CADPS2: variants seen among roughly 807,000 people sequenced by gnomAD.
CADPS2 encodes calcium-dependent secretion activator 2.
Under a neutral mutation model 172.5 loss-of-function variants are expected in CADPS2, and 93 were observed. The observed-to-expected ratio is 0.54, with a 90% CI of 0.46 to 0.64. The LOEUF is 0.64. Among genes scored for constraint, CADPS2 ranks in the 30% least tolerant of loss-of-function variants. The pLI, the probability that CADPS2 is intolerant of heterozygous loss-of-function variation, is 0.00. For synonymous variants in CADPS2, 546 were observed against 555.2 expected (o/e 0.98, Z 0.23); for missense variants, 1,420 against 1,565.9 (o/e 0.91, Z 1.57).
chr7:122,538,363 GT>G (rs1183957886), intron 8 of CADPS2, among the ~76,000 whole-genome samples: 24 of 119,146 alleles, frequency 2.0e-4, no homozygotes, highest in East Asian at 1.0e-3. Flanking sequence ...TAGGTTTTTT[GT>G]TTTTTTTTTT....
intron 1 of CADPS2, among the ~76,000 whole-genome samples, chr7:122,880,683 G>C (rs139638234): frequency 6.6e-6 from 1 of 152,170 alleles, no homozygotes; most frequent in African/African-American, 2.4e-5. Context: ...CCTGGATAAT[G>C]AGATTGTTTT....
chr7:122,459,435 T>C (rs998164119), intron 14 of CADPS2, among the ~76,000 whole-genome samples: 2 of 152,140 alleles, frequency 1.3e-5, no homozygotes, highest in African/African-American at 2.4e-5. Flanking sequence ...TCGATACATA[T>C]TGCAAAGTTG....
intron 3 of CADPS2, among the ~76,000 whole-genome samples, chr7:122,647,654 A>G (rs2134824340): frequency 6.6e-6 from 1 of 152,336 alleles, no homozygotes; most frequent in Middle Eastern, 3.4e-3. Context: ...TTGAACCAAG[A>G]AGATATTAAT....
intron 1 of CADPS2, among the ~76,000 whole-genome samples, chr7:122,882,742 C>G (rs1366965772): frequency 1.3e-5 from 2 of 151,796 alleles, no homozygotes; most frequent in Admixed American, 6.6e-5. Flanking sequence ...CTGACTCTAC[C>G]TTTAACTGAA....
chr7:122,830,597 A>G (rs1380165488), intron 1 of CADPS2, among the ~76,000 whole-genome samples: 2 of 152,238 alleles, frequency 1.3e-5, no homozygotes, highest in African/African-American at 4.8e-5. Context: ...GCATATTTCA[A>G]TTTGTAACAA....
rs147382543 is a variant in CADPS2, at chr7:122,585,572, C to G, written c.1224-4282G>C. 3.9e-3 allele frequency: 584 copies of G among 151,544 alleles called. 6 individuals carry two copies. Among genetic ancestry groups the G allele is most frequent in the African/African-American group, 0.013 (554 of 41,364 alleles). The allele number at this position is 151,544 out of a possible 1,614,324, so 9.4% of individuals were successfully genotyped here. A position where few individuals can be genotyped will look rare whatever the true frequency, so the allele number is the denominator to read the frequency against. On this transcript the variant is annotated intron_variant, in intron 6 of 29. Coordinates refer to ENST00000449022, the MANE Select transcript of CADPS2 (RefSeq NM_017954.11). ...CTTAATTGGCATATTTAAACCCTGT[C>G]GGTAATTAATACCAGTTATTGTCTT...
intron 25 of CADPS2, among the ~76,000 whole-genome samples, chr7:122,374,643 G>A (rs530832809): frequency 2.0e-5 from 3 of 152,106 alleles, no homozygotes; most frequent in South Asian, 2.1e-4. Flanking sequence ...ACCAAACACC[G>A]CATGTTCTCA....
chr7:122,457,893 A>G (rs972337693), intron 14 of CADPS2, among the ~76,000 whole-genome samples: 1 of 152,210 alleles, frequency 6.6e-6, no homozygotes, highest in Admixed American at 6.5e-5. Flanking sequence ...CACCAGGGTT[A>G]ACACTGTATA....
At position 122,702,648 on chromosome 7, in the gene CADPS2, T is replaced by C. The variant is rs1177123898; in HGVS notation, c.453+34307A>G. ...TTCAGGTGAGCTGTCCAAATGGCTT[T>C]TCCGTTTGAGTCAGGAAAGCTAAGT... is the stretch of plus-strand genomic sequence containing the variant. On this transcript the variant is annotated intron_variant, in intron 2 of 29. Coordinates refer to ENST00000449022, the MANE Select transcript of CADPS2 (RefSeq NM_017954.11). 1.9e-6 allele frequency: 3 copies of C among 1,613,428 alleles called. No individual in the cohort carries two copies. Among genetic ancestry groups the C allele is most frequent in the Non-Finnish European group, 1.7e-6 (2 of 1,179,664 alleles).
intron 14 of CADPS2, among the ~76,000 whole-genome samples, chr7:122,463,570 T>G (rs1361377329): frequency 6.6e-6 from 1 of 152,174 alleles, no homozygotes. Context: ...AAACAGAATT[T>G]AGTGGGGGAA....
At chr7:122,775,396 A>G (rs2093847074) in intron 1 of CADPS2, among the ~76,000 whole-genome samples, 1 of 152,200 alleles carries the variant, frequency 6.6e-6, no homozygotes. Context: ...GCCAGATCCC[A>G]AAGGGTGATT....
rs368043420 is a variant in CADPS2, at chr7:122,561,223, A to G, written c.1336-6534T>C. On this transcript the variant is annotated intron_variant, in intron 7 of 29. Transcript: ENST00000449022. ...TGAGTTCTTTTATTTTCAAAGCTGG[A>G]AAGAATTTTGGAATTTACAATATGC... 3.9e-3 allele frequency among the ~76,000 whole-genome samples: 599 copies of G among 152,246 alleles called. 7 individuals carry two copies. The highest frequency in any genetic ancestry group is 0.014 in the African/African-American group (568 of 41,568).
intron 1 of CADPS2, among the ~76,000 whole-genome samples, chr7:122,866,682 A>C (rs1365352934): frequency 6.6e-6 from 1 of 152,162 alleles, no homozygotes; most frequent in African/African-American, 2.4e-5. Flanking sequence ...GCCTGGGCAA[A>C]AGGGCAAGAC....
intron 25 of CADPS2, among the ~76,000 whole-genome samples, chr7:122,371,545 T>A (rs903218187): frequency 6.6e-6 from 1 of 151,936 alleles, no homozygotes; most frequent in Non-Finnish European, 1.5e-5. Context: ...GCTCCCACCC[T>A]TGACACATGG....
At chr7:122,353,626 T>A (rs765518550) in intron 27 of CADPS2, among the ~76,000 whole-genome samples, 3 of 152,182 alleles carry the variant, frequency 2.0e-5, no homozygotes, top group Non-Finnish European at 4.4e-5. Context: ...TCAACATACA[T>A]CCTTAAACCC....
intron 20 of CADPS2, among the ~76,000 whole-genome samples, chr7:122,404,525 G>A (rs896564220): frequency 2.0e-5 from 3 of 152,110 alleles, no homozygotes; most frequent in African/African-American, 7.2e-5. Flanking sequence ...CGATTGCTGG[G>A]TCAAATAGTA....
At chr7:122,397,584 A>G (rs1458230664) in intron 20 of CADPS2, among the ~76,000 whole-genome samples, 1 of 152,182 alleles carries the variant, frequency 6.6e-6, no homozygotes, top group Non-Finnish European at 1.5e-5. Flanking sequence ...ACACTTGTCT[A>G]TGTAAATGTA....
At chr7:122,843,252 C>G (rs1457607364) in intron 1 of CADPS2, among the ~76,000 whole-genome samples, 1 of 150,024 alleles carries the variant, frequency 6.7e-6, no homozygotes, top group African/African-American at 2.4e-5. Context: ...TTTTGGCTTT[C>G]CTAATGTAAT....
intron 9 of CADPS2, among the ~76,000 whole-genome samples, chr7:122,509,105 A>G (rs573761633): frequency 5.9e-5 from 9 of 152,330 alleles, no homozygotes; most frequent in Admixed American, 5.2e-4. Flanking sequence ...CCTAGAGGAT[A>G]TAACAGAACT....
Sources: allele counts gnomAD v4.1 joint callset (sites outside exome capture counted in the v4.1 genomes callset), GRCh38; gene constraint gnomAD v4.1.1; transcripts MANE v1.5; gene names NCBI Gene and HGNC (gene_info 2026-07-23, HGNC 2026-07-21).